Variants in ZRANB2 observed in about 807,000 individuals in gnomAD.
ZRANB2 encodes the protein zinc finger Ran-binding domain-containing protein 2.
Under a neutral mutation model 53.4 loss-of-function variants are expected in ZRANB2, and 19 were observed. The ratio of observed to expected loss-of-function variants is 0.36; its 90% confidence interval spans 0.25 to 0.52. The LOEUF (loss-of-function observed/expected upper bound fraction) is 0.52, where lower values mean the gene tolerates loss of function less well. Among genes scored for constraint, ZRANB2 ranks in the 20% least tolerant of loss-of-function variants. The pLI, the probability that ZRANB2 is intolerant of heterozygous loss-of-function variation, is 0.93. For synonymous variants in ZRANB2, 145 were observed against 134.8 expected (o/e 1.08, Z -0.52); for missense variants, 309 against 401.1 (o/e 0.77, Z 1.96).
chr1:71,067,812 A>G (rs1661484813), intron 8 of ZRANB2: 2 of 362,122 alleles, frequency 5.5e-6, no homozygotes, highest in Non-Finnish European at 1.1e-5. Context: ...ATTTTTACCT[A>G]TAAAGCGCTT....
At chr1:71,076,714 T>C (rs1661718685) in intron 4 of ZRANB2, 81 bp downstream of exon 4, 1 of 1,054,682 alleles carries the variant, frequency 9.5e-7, no homozygotes, top group African/African-American at 1.6e-5. Flanking sequence ...CTGTGGCTCT[T>C]ACTCGAAGGT....
In ZRANB2 at chr1:71,070,628, T is replaced by C. The variant is rs199527698; in HGVS notation, c.683+199A>G. 5.9e-5 allele frequency among the ~76,000 whole-genome samples: 9 copies of C among 152,332 alleles called. No homozygotes were observed. The East Asian group carries it at 9.6e-4, about 16-fold the overall frequency. On this transcript the variant is annotated intron_variant, in intron 7 of 9. Coordinates refer to ENST00000370920, the MANE Select transcript of ZRANB2 (RefSeq NM_203350.3). ...GCTAAAATAGGTTAAGGAAGTTTCA[T>C]GCTAAGACTTTACTTTTCTAAAAAT...
intron 1 of ZRANB2, among the ~76,000 whole-genome samples, chr1:71,080,284 C>T (rs1342119651): frequency 6.6e-6 from 1 of 152,112 alleles, no homozygotes; most frequent in Admixed American, 6.5e-5. Flanking sequence ...GCCACTAACA[C>T]ACGTGCTTCT....
At chr1:71,073,396 A>G (rs1318990360) in intron 4 of ZRANB2, among the ~76,000 whole-genome samples, 1 of 152,104 alleles carries the variant, frequency 6.6e-6, no homozygotes, top group Non-Finnish European at 1.5e-5. Flanking sequence ...TATCAGTACA[A>G]TAAGGCCGGT....
At chr1:71,068,507 T>C (rs1160361472) in intron 8 of ZRANB2, among the ~76,000 whole-genome samples, 3 of 152,198 alleles carry the variant, frequency 2.0e-5, no homozygotes, top group East Asian at 3.9e-4. Context: ...GAACACTGTT[T>C]ACTACTTAAG....
chr1:71,071,617 C>T (rs1222358240), intron 6 of ZRANB2, among the ~76,000 whole-genome samples: 3 of 152,040 alleles, frequency 2.0e-5, no homozygotes, highest in Non-Finnish European at 2.9e-5. Context: ...TCATTCTCCC[C>T]TCTGCTCTAA....
At chr1:71,080,142 G>C (rs1288703629) in intron 1 of ZRANB2, among the ~76,000 whole-genome samples, 2 of 152,090 alleles carry the variant, frequency 1.3e-5, no homozygotes, top group African/African-American at 2.4e-5. Context: ...GCTTTTATGT[G>C]AACATGAGTT....
At chr1:71,079,857 G>T (rs1661797740) in intron 1 of ZRANB2, among the ~76,000 whole-genome samples, 2 of 151,970 alleles carry the variant, frequency 1.3e-5, no homozygotes, top group Non-Finnish European at 2.9e-5. Context: ...ATATAACTTT[G>T]GTTCTATTCA....
intron 3 of ZRANB2, 44 bp from the exon 4 acceptor site, chr1:71,076,921 T>C (rs1465185207): frequency 7.4e-7 from 1 of 1,356,244 alleles, no homozygotes; most frequent in Non-Finnish European, 1.0e-6. Flanking sequence ...ATAATATAGA[T>C]GAATATCAAA....
At chr1:71,074,298 T>C (rs558847625) in intron 4 of ZRANB2, among the ~76,000 whole-genome samples, 6 of 152,174 alleles carry the variant, frequency 3.9e-5, no homozygotes, top group Non-Finnish European at 7.4e-5. Context: ...TGAATTTCTA[T>C]GGAAAGCTTT....
chr1:71,077,420 A>G (rs1034930088), intron 3 of ZRANB2, among the ~76,000 whole-genome samples: 2 of 152,214 alleles, frequency 1.3e-5, no homozygotes, highest in African/African-American at 4.8e-5. Flanking sequence ...GTTATACCCT[A>G]TAAATAATAT....
intron 9 of ZRANB2, 97 bp from the exon 10 acceptor site, chr1:71,065,234 C>T: frequency 1.1e-6 from 1 of 920,902 alleles, no homozygotes; most frequent in Non-Finnish European, 1.6e-6. Context: ...AATTCAGTAC[C>T]ATGATGCTAG....
intron 3 of ZRANB2, among the ~76,000 whole-genome samples, chr1:71,077,978 A>C (rs947968743): frequency 2.0e-5 from 3 of 152,246 alleles, no homozygotes; most frequent in Non-Finnish European, 4.4e-5. Flanking sequence ...AAAATCAATG[A>C]AGAATTAAAT....
At chr1:71,065,586 A>G (rs922616485) in intron 9 of ZRANB2, 4 of 1,471,524 alleles carry the variant, frequency 2.7e-6, no homozygotes, top group Admixed American at 2.5e-5. Flanking sequence ...ATACTCATAA[A>G]TAAGTTTTGG....
At chr1:71,065,357 T>G (rs1370730887) in intron 9 of ZRANB2, among the ~76,000 whole-genome samples, 2 of 152,020 alleles carry the variant, frequency 1.3e-5, no homozygotes, top group East Asian at 3.8e-4. Flanking sequence ...CTCTACAATT[T>G]CAAAAGAATC....
In ZRANB2 at chr1:71,070,978, C is replaced by A; in HGVS notation, c.532G>T (p.Ala178Ser). The change falls in exon 7 of 10, where the codon GCT becomes TCT. Residue 178 changes from alanine to serine, a missense_variant. Ala to Ser is a moderately conservative substitution (Grantham distance 99). Transcript: ENST00000370920. The part of the protein sequence containing the change: ...KLDEDEDEDD[A>S]DLSKYNLDAS... ...TCAAGATTATATTTTGAGAGATCAGCGTCATCTTCATCCTCATCCTAACAA... is the reference window on the plus strand; with the variant it reads ...TCAAGATTATATTTTGAGAGATCAGAGTCATCTTCATCCTCATCCTAACAA... 1 of 1,587,424 alleles carries A rather than the reference C, an allele frequency of 6.3e-7. No homozygotes were observed. Among genetic ancestry groups the A allele is most frequent in the Non-Finnish European group, 8.6e-7 (1 of 1,168,378 alleles).
rs760175069 is a variant in ZRANB2 at position 71,065,144 on chromosome 1, G to C, written c.930-7C>G. 6 of 1,608,702 alleles carry C rather than the reference G, an allele frequency of 3.7e-6. No homozygotes were observed. The East Asian group carries it at 1.3e-4, about 36-fold the overall frequency. ...AGATGATGACCTGTGGCGTCTGTAA[G>C]ACATAATGGAGAGAGTAGGCATTCT... On this transcript the variant is annotated splice_polypyrimidine_tract_variant and splice_region_variant and intron_variant, in intron 9 of 9. Coordinates refer to ENST00000370920, the MANE Select transcript of ZRANB2 (RefSeq NM_203350.3).
rs1315435073 is a variant in ZRANB2 at position 71,066,770 on chromosome 1, C to T, written c.929+6G>A. On this transcript the variant is annotated splice_donor_region_variant and intron_variant, in intron 9 of 9. Coordinates refer to ENST00000370920, the MANE Select transcript of ZRANB2 (RefSeq NM_203350.3). The stretch of plus-strand genomic sequence containing the variant: ...CACCCATTCTTATTTCTACAGAAAC[C>T]CAAACCTTTCGGGTGACCGTGATCT... The T allele has an allele frequency of 1.2e-6, 2 of 1,609,194 alleles. No individual in the cohort carries two copies. The highest frequency in any genetic ancestry group is 8.5e-7 in the Non-Finnish European group (1 of 1,178,378).
In ZRANB2 at chr1:71,081,006, A is replaced by C; in HGVS notation, c.-11T>G. On this transcript the variant is annotated 5_prime_UTR_variant, in exon 1 of 10. Coordinates refer to ENST00000370920, the MANE Select transcript of ZRANB2 (RefSeq NM_203350.3). ...ATTCTTGGTCGACATCTTGAACGCC[A>C]CCAGCACAGCCACCCGCAGCTATGT... 6.2e-7 allele frequency: 1 copy of C among 1,614,038 alleles called. No homozygotes were observed. The highest frequency in any genetic ancestry group is 2.2e-5 in the East Asian group (1 of 44,852).
Sources: gnomAD v4.1 joint callset for allele counts (sites outside exome capture counted in the v4.1 genomes callset) on GRCh38, gnomAD v4.1.1 for gene constraint, MANE v1.5 for transcripts, NCBI Gene and HGNC (gene_info 2026-07-23, HGNC 2026-07-21) for gene names.